CACNA2D4: variants seen among roughly 807,000 people sequenced by gnomAD.
CACNA2D4 encodes the protein voltage-dependent calcium channel subunit alpha-2/delta-4.
A neutral mutation model predicts 163.8 loss-of-function variants in CACNA2D4; 157 were observed. That is an observed-to-expected ratio of 0.96 (90% CI 0.84 to 1.09). The LOEUF (loss-of-function observed/expected upper bound fraction) is 1.09, where lower values mean the gene tolerates loss of function less well. Among genes scored for constraint, CACNA2D4 ranks in the 50% least tolerant of loss-of-function variants. The probability of loss-of-function intolerance (pLI) is 0.00; values close to 1 mark genes in which losing one functional copy is unlikely to be tolerated. For synonymous variants in CACNA2D4, 598 were observed against 586.9 expected, an observed-to-expected ratio of 1.02 and a Z score of -0.27; for missense variants, 1,410 against 1,479.9, an observed-to-expected ratio of 0.95 and a Z score of 0.78.
intron 6 of CACNA2D4, among the ~76,000 whole-genome samples, chr12:1,891,964 C>T (rs997844248): frequency 6.6e-6 from 1 of 152,028 alleles, no homozygotes; most frequent in African/African-American, 2.4e-5. Flanking sequence ...TTTTTGGTGT[C>T]CCATAAGGCA....
intron 32 of CACNA2D4, 79 bp downstream of exon 32, chr12:1,800,307 C>T: frequency 2.7e-6 from 4 of 1,474,988 alleles, no homozygotes; most frequent in Non-Finnish European, 3.8e-6. Flanking sequence ...GGAGACCTTG[C>T]AGCCTCCTGC....
In CACNA2D4 at chr12:1,833,205, T is replaced by C. The variant is rs559276898; in HGVS notation, c.2551+7534A>G. ...TTTCCATCGGCATCCCAGGGAAAGA[T>C]TGATGCCTATTGTATGAGGAGACTT... On this transcript the variant is annotated intron_variant, in intron 26 of 37. Coordinates refer to ENST00000382722, the MANE Select transcript of CACNA2D4 (RefSeq NM_172364.5). This position sits in a 1 kb window ranked among gnomAD's most constrained non-coding sequence, Gnocchi z 4.2. 6.6e-6 allele frequency among the ~76,000 whole-genome samples: 1 copy of C among 152,342 alleles called. No individual in the cohort carries two copies. The highest frequency in any genetic ancestry group is 1.5e-5 in the Non-Finnish European group (1 of 68,026).
At chr12:1,813,675 G>C (rs1482825510) in intron 26 of CACNA2D4, among the ~76,000 whole-genome samples, 1 of 152,164 alleles carries the variant, frequency 6.6e-6, no homozygotes, top group Non-Finnish European at 1.5e-5. Flanking sequence ...GGCAATCCTG[G>C]GGTGGTGCTC....
chr12:1,823,223 G>A (rs993688434), intron 26 of CACNA2D4: 1 of 152,610 alleles, frequency 6.6e-6, no homozygotes, highest in Non-Finnish European at 1.5e-5. Context: ...GCTTGATGTG[G>A]AGGGATAGAC....
At chr12:1,888,021 G>C (rs907738369) in intron 6 of CACNA2D4, among the ~76,000 whole-genome samples, 16 of 152,156 alleles carry the variant, frequency 1.1e-4, no homozygotes, top group Admixed American at 3.9e-4. Context: ...AGAGCCCCAG[G>C]CGTGAGGCAT....
At chr12:1,865,733 G>T (rs1204980727) in intron 18 of CACNA2D4, among the ~76,000 whole-genome samples, 1 of 152,204 alleles carries the variant, frequency 6.6e-6, no homozygotes, top group Non-Finnish European at 1.5e-5. Context: ...GGGAGCCGGT[G>T]TGTGGGGAAC....
rs1274224664 is a variant in CACNA2D4, at chr12:1,843,925, T to G, written c.2470+477A>C. Among the ~76,000 whole-genome samples, 1 of 152,110 alleles carries G rather than the reference T, an allele frequency of 6.6e-6. No homozygotes were observed. The highest frequency in any genetic ancestry group is 1.5e-5 in the Non-Finnish European group (1 of 68,008). On this transcript the variant is annotated intron_variant, in intron 25 of 37. Coordinates refer to ENST00000382722, the MANE Select transcript of CACNA2D4 (RefSeq NM_172364.5). This position sits in a 1 kb window ranked among gnomAD's most constrained non-coding sequence, Gnocchi z 4.6. ...GCTGGGAGCTCCCTGAGGCTGGTCC[T>G]GGGTGGTCCTGGGTAACTGGGGACG...
At position 1,833,901 on chromosome 12, in the gene CACNA2D4, C is replaced by T. The variant is rs147332406; in HGVS notation, c.2551+6838G>A. Among the ~76,000 whole-genome samples, 28 of 152,274 alleles carry T rather than the reference C, an allele frequency of 1.8e-4. No individual in the cohort carries two copies. Among genetic ancestry groups the T allele is most frequent in the African/African-American group, 6.5e-4 (27 of 41,542 alleles). ...GGGACGCTCAGCTCTCTAATGACAG[C>T]CCTTTCCTGGGAACCTCCCCATGTT... On this transcript the variant is annotated intron_variant, in intron 26 of 37. Coordinates refer to ENST00000382722, the MANE Select transcript of CACNA2D4 (RefSeq NM_172364.5). This position sits in a 1 kb window ranked among gnomAD's most constrained non-coding sequence, Gnocchi z 4.2.
rs148114625 is a variant in CACNA2D4 at position 1,862,030 on chromosome 12, G to A, written c.1879-1824C>T. ...GTTCAAAATAATGTTTTCAGCGTCC[G>A]TCTATATTGCTGTCCGTCCAGTAGT... On this transcript the variant is annotated intron_variant, in intron 18 of 37. Transcript: ENST00000382722. Among the ~76,000 whole-genome samples, 486 of 152,308 alleles carry A rather than the reference G, an allele frequency of 3.2e-3. 2 individuals are homozygous for A. Among genetic ancestry groups the A allele is most frequent in the East Asian group, 0.022 (114 of 5,188 alleles).
At chr12:1,900,267 A>G (rs1866504870) in intron 6 of CACNA2D4, among the ~76,000 whole-genome samples, 2 of 152,110 alleles carry the variant, frequency 1.3e-5, no homozygotes, top group African/African-American at 2.4e-5. Context: ...ATAGCACCAC[A>G]GGTGCACACC....
At position 1,918,336 on chromosome 12, in the gene CACNA2D4, A is replaced by G. The variant is rs779244511; in HGVS notation, c.138T>C (p.Phe46=). The G allele has an allele frequency of 6.2e-7, 1 of 1,609,600 alleles. No homozygotes were observed. Among genetic ancestry groups the G allele is most frequent in the South Asian group, 1.1e-5 (1 of 90,054 alleles). Residue 46 remains phenylalanine (F), a synonymous_variant, in exon 1 of 38, where the codon TTT becomes TTC. Coordinates refer to ENST00000382722, the MANE Select transcript of CACNA2D4 (RefSeq NM_172364.5). ...PLQPMPVAWA[F]VQKTSALLWL... ...ACAGGAGGGCCGAGGTCTTCTGCAC[A>G]AAGGCCCAGGCCACGGGCATTGGCT... is the stretch of plus-strand genomic sequence containing the variant.
intron 26 of CACNA2D4, among the ~76,000 whole-genome samples, chr12:1,825,324 AG>A (rs1250714559): frequency 6.6e-6 from 1 of 152,176 alleles, no homozygotes; most frequent in Non-Finnish European, 1.5e-5. Context: ...CTTGGGTGGG[AG>A]GGCTTCTCCA....
intron 1 of CACNA2D4, 71 bp from the exon 2 acceptor site, chr12:1,915,006 A>G: frequency 8.9e-7 from 1 of 1,129,140 alleles, no homozygotes; most frequent in Admixed American, 1.7e-5. Flanking sequence ...ACGCGTAGAC[A>G]TATGGGTTCA....
intron 26 of CACNA2D4, among the ~76,000 whole-genome samples, chr12:1,813,775 T>C (rs1863787865): frequency 6.6e-6 from 1 of 152,086 alleles, no homozygotes; most frequent in African/African-American, 2.4e-5. Context: ...TCCAGGTAGC[T>C]GAAAGGAGTG....
Position 1,908,035 on chromosome 12 carries a change from G to C in CACNA2D4, c.489C>G (p.Phe163Leu), listed in dbSNP as rs1866710144. Residue 163 changes from phenylalanine to leucine, a missense_variant and splice_region_variant, in exon 5 of 38, where the codon TTC becomes TTG. Physicochemically the swap from Phe to Leu is conservative, Grantham distance 22. Transcript: ENST00000382722. ...TGATCAGGACCGAGTTGTAATAGTCGAACTGGGGTGGACGGGTGAGGCCCA... is the reference window on the plus strand; with the variant it reads ...TGATCAGGACCGAGTTGTAATAGTCCAACTGGGGTGGACGGGTGAGGCCCA... ...LNHEFNESLV[F>L]DYYNSVLINE... is the part of the protein sequence containing the mutation. 4.3e-6 allele frequency: 7 copies of C among 1,610,948 alleles called. No homozygotes were observed. Among genetic ancestry groups the C allele is most frequent in the Non-Finnish European group, 5.9e-6 (7 of 1,177,674 alleles).
At chr12:1,837,664 C>A (rs146701386) in intron 26 of CACNA2D4, among the ~76,000 whole-genome samples, 1 of 152,130 alleles carries the variant, frequency 6.6e-6, no homozygotes, top group East Asian at 1.9e-4. Context: ...CCATCAGGGT[C>A]CCCCGGGAGT....
chr12:1,911,832 G>A (rs907854733), intron 3 of CACNA2D4, among the ~76,000 whole-genome samples: 7 of 152,296 alleles, frequency 4.6e-5, no homozygotes, highest in African/African-American at 1.4e-4. Context: ...ATCCAAGGAG[G>A]CTGTTTACAC....
chr12:1,828,087 G>T lies in CACNA2D4; in HGVS notation c.2551+12652C>A. 1 of 1,434,448 alleles carries T rather than the reference G, an allele frequency of 7.0e-7. No homozygotes were observed. Among genetic ancestry groups the T allele is most frequent in the Non-Finnish European group, 9.2e-7 (1 of 1,082,482 alleles). 88.9% of individuals were successfully genotyped at this position (1,434,448 alleles called of 1,614,324 possible). A position where few individuals can be genotyped will look rare whatever the true frequency, so the allele number is the denominator to read the frequency against. ...CCTCCCTCCCTCAGGACTGACAGGC[G>T]GCGCACCCAGGGGCTCCTCTCTCCC... On this transcript the variant is annotated intron_variant, in intron 26 of 37. Coordinates refer to ENST00000382722, the MANE Select transcript of CACNA2D4 (RefSeq NM_172364.5). The surrounding 1 kb of genome is among the most constrained non-coding windows in gnomAD (Gnocchi z 4.2).
chr12:1,844,395 G>A lies in CACNA2D4; in HGVS notation c.2470+7C>T, dbSNP rs367689303. On this transcript the variant is annotated splice_region_variant and intron_variant, in intron 25 of 37. Transcript: ENST00000382722. The surrounding 1 kb of genome is among the most constrained non-coding windows in gnomAD (Gnocchi z 4.2). ...CCCAGCCCCGGGAGCACCGGGCTGT[G>A]TGTTACCTGGTCCTTCTGCCCAGCG... 88 of 1,613,186 alleles carry A rather than the reference G, an allele frequency of 5.5e-5. No homozygotes were observed. The highest frequency in any genetic ancestry group is 7.1e-5 in the Non-Finnish European group (84 of 1,179,728).
Sources: allele counts gnomAD v4.1 joint callset (sites outside exome capture counted in the v4.1 genomes callset), GRCh38; gene constraint gnomAD v4.1.1; non-coding constraint Gnocchi (gnomAD v3.1); transcripts MANE v1.5; gene names NCBI Gene and HGNC (gene_info 2026-07-23, HGNC 2026-07-21).